GSE1: variants seen among roughly 807,000 people sequenced by gnomAD.
GSE1 encodes the protein genetic suppressor element 1.
A neutral mutation model predicts 112.6 loss-of-function variants in GSE1; 32 were observed. That is an observed-to-expected ratio of 0.28 (90% confidence interval 0.21 to 0.38). The LOEUF is 0.38. Ranked by LOEUF, GSE1 falls within the 10% of genes least tolerant of loss-of-function variation. GSE1 has a pLI of 1.00. For missense variants in GSE1, 2,348 were observed against 1,699.2 expected, an observed-to-expected ratio of 1.38 and a Z score of -6.71; for synonymous variants, 1,115 against 735.6, an observed-to-expected ratio of 1.52 and a Z score of -8.35.
At chr16:85,270,172 C>T (rs1026784801) in intron 1 of GSE1, among the ~76,000 whole-genome samples, 1 of 149,028 alleles carries the variant, frequency 6.7e-6, no homozygotes, top group Non-Finnish European at 1.5e-5. Context: ...CAGTGGTAAC[C>T]TCCCCGGGCC....
At chr16:85,540,984 C>T (rs1453670000) in intron 2 of GSE1, among the ~76,000 whole-genome samples, 1 of 151,988 alleles carries the variant, frequency 6.6e-6, no homozygotes, top group Non-Finnish European at 1.5e-5. Context: ...ACATTCAGGC[C>T]ACTTCGCCAA....
At chr16:85,353,653 C>G (rs1019503928) in intron 1 of GSE1, among the ~76,000 whole-genome samples, 5 of 151,870 alleles carry the variant, frequency 3.3e-5, no homozygotes, top group Non-Finnish European at 5.9e-5. Flanking sequence ...CGGCAACAAG[C>G]AAGACCCTGT....
At chr16:85,579,825 C>G (rs548589109) in intron 1 of GSE1, among the ~76,000 whole-genome samples, 3 of 152,306 alleles carry the variant, frequency 2.0e-5, no homozygotes, top group Admixed American at 1.3e-4. Context: ...CTTGAAATAG[C>G]TCCATGGATG....
chr16:85,392,436 T>G (rs2047862315), intron 2 of GSE1, among the ~76,000 whole-genome samples: 1 of 152,152 alleles, frequency 6.6e-6, no homozygotes, highest in Non-Finnish European at 1.5e-5. Flanking sequence ...TGGAGAGTGA[T>G]TGCTAATGGT....
At chr16:85,313,366 A>C (rs931616963) in intron 1 of GSE1, among the ~76,000 whole-genome samples, 41 of 152,012 alleles carry the variant, frequency 2.7e-4, no homozygotes, top group African/African-American at 9.6e-4. Flanking sequence ...GTGTTTGGGG[A>C]GGGCTGCCCC....
At chr16:85,256,174 C>G (rs557118041) in intron 1 of GSE1, among the ~76,000 whole-genome samples, 1 of 151,950 alleles carries the variant, frequency 6.6e-6, no homozygotes, top group Non-Finnish European at 1.5e-5. Flanking sequence ...GAGTTGGAGG[C>G]TCTTCCCTCG....
chr16:85,315,580 C>A (rs1050200521), intron 1 of GSE1, among the ~76,000 whole-genome samples: 2 of 152,078 alleles, frequency 1.3e-5, no homozygotes, highest in Non-Finnish European at 2.9e-5. Flanking sequence ...ACAAGAGTAA[C>A]CAAAACCCAA....
At chr16:85,250,343 G>C (rs891995045) in intron 1 of GSE1, among the ~76,000 whole-genome samples, 1 of 152,200 alleles carries the variant, frequency 6.6e-6, no homozygotes, top group Non-Finnish European at 1.5e-5. Context: ...CCCAGCCCCT[G>C]CAGGACCGGC....
intron 1 of GSE1, among the ~76,000 whole-genome samples, chr16:85,342,912 AG>A (rs1247249146): frequency 2.0e-4 from 30 of 149,288 alleles, no homozygotes; most frequent in Non-Finnish European, 3.6e-4. Flanking sequence ...GTGCATGAAG[AG>A]GGGGTGCCGC....
chr16:85,505,096 T>C (rs1417986563), intron 2 of GSE1, among the ~76,000 whole-genome samples: 2 of 152,162 alleles, frequency 1.3e-5, no homozygotes, highest in Non-Finnish European at 2.9e-5. Context: ...TTTTCCGGTT[T>C]GGATCCTGGT....
At chr16:85,553,803 A>G (rs577724610), upstream of GSE1, among the ~76,000 whole-genome samples, 4 of 152,178 alleles carry the variant, frequency 2.6e-5, no homozygotes, top group African/African-American at 9.6e-5. Flanking sequence ...ATCTCCTCCA[A>G]TTTGCCCTCC....
intron 1 of GSE1, among the ~76,000 whole-genome samples, chr16:85,614,020 C>T (rs978741758): frequency 4.0e-5 from 6 of 151,738 alleles, no homozygotes; most frequent in Non-Finnish European, 7.4e-5. Context: ...AGGAAGGGCG[C>T]GCCCCGGGCT....
intron 1 of GSE1, among the ~76,000 whole-genome samples, chr16:85,256,323 A>T (rs1450309224): frequency 1.3e-5 from 2 of 152,368 alleles, no homozygotes; most frequent in Non-Finnish European, 2.9e-5. Context: ...GCTATAAGGC[A>T]GACACGTCTA....
exon 1 of GSE1, chr16:85,170,205 C>T: frequency 1.0e-6 from 1 of 985,260 alleles, no homozygotes; most frequent in South Asian, 4.7e-5. Flanking sequence ...GCGCAGAGGC[C>T]TCGGCGCAGG....
intron 2 of GSE1, among the ~76,000 whole-genome samples, chr16:85,509,420 G>T (rs1050294972): frequency 1.3e-5 from 2 of 152,244 alleles, no homozygotes; most frequent in East Asian, 3.8e-4. Flanking sequence ...GGAGCCCCCA[G>T]CTCCAGGTAC....
At chr16:85,615,941 C>T (rs1276264609) in intron 1 of GSE1, among the ~76,000 whole-genome samples, 1 of 152,242 alleles carries the variant, frequency 6.6e-6, no homozygotes, top group Admixed American at 6.5e-5. Flanking sequence ...GCGGACACCG[C>T]GCTCACAGCA....
chr16:85,176,453 G>A (rs2074466768), intron 1 of GSE1, among the ~76,000 whole-genome samples: 1 of 152,246 alleles, frequency 6.6e-6, no homozygotes, highest in African/African-American at 2.4e-5. Context: ...TTACTGAGCA[G>A]TGGTGCCCCG....
intron 1 of GSE1, among the ~76,000 whole-genome samples, chr16:85,179,260 T>A (rs2074532534): frequency 6.6e-6 from 1 of 152,218 alleles, no homozygotes; most frequent in African/African-American, 2.4e-5. Flanking sequence ...ATCTAATTCG[T>A]GCCTTTTTGT....
At position 85,653,055 on chromosome 16, in the gene GSE1, G is replaced by A. The variant is rs1356145449; in HGVS notation, c.427-1223G>A. ...CACCCCCAGGTCAGGGTAGGCCTGG[G>A]CAGTGCTGTCCCCACATGGGGAAGA... On this transcript the variant is annotated intron_variant, in intron 3 of 15. Transcript: ENST00000253458. Among the ~76,000 whole-genome samples the A allele has an allele frequency of 2.0e-5, 3 of 150,982 alleles. No individual in the cohort carries two copies. The East Asian group carries it at 6.0e-4, about 30-fold the overall frequency.
Sources: allele counts gnomAD v4.1 joint callset (sites outside exome capture counted in the v4.1 genomes callset), GRCh38; gene constraint gnomAD v4.1.1; transcripts MANE v1.5; gene names NCBI Gene and HGNC (gene_info 2026-07-23, HGNC 2026-07-21).